PHKB: variants seen among roughly 807,000 people sequenced by gnomAD.
The protein encoded by PHKB is phosphorylase kinase regulatory subunit beta, also known as phosphorylase b kinase regulatory subunit beta.
In PHKB, 122 loss-of-function variants were observed where a neutral mutation model predicts 152.1. The observed-to-expected ratio is 0.80, with a 90% CI of 0.69 to 0.93. PHKB has a LOEUF of 0.93. Among genes scored for constraint, PHKB ranks in the 40% least tolerant of loss-of-function variants. PHKB has a pLI of 0.00. For missense variants in PHKB, 1,304 were observed against 1,328.4 expected (o/e 0.98, Z 0.29); for synonymous variants, 436 against 464.9 (o/e 0.94, Z 0.80).
intron 1 of PHKB, among the ~76,000 whole-genome samples, chr16:47,469,956 A>T (rs1003288344): frequency 1.3e-5 from 2 of 152,146 alleles, no homozygotes; most frequent in Admixed American, 6.5e-5. Flanking sequence ...GATAATAATG[A>T]TTTTTCATGC....
intron 6 of PHKB, among the ~76,000 whole-genome samples, chr16:47,536,163 TG>T (rs1263952771): frequency 5.9e-5 from 9 of 152,196 alleles, no homozygotes; most frequent in Admixed American, 1.3e-4. Flanking sequence ...GCGATTCTCC[TG>T]TCTCAGCCTC....
intron 26 of PHKB, among the ~76,000 whole-genome samples, chr16:47,677,596 T>C (rs1973756440): frequency 6.6e-6 from 1 of 152,006 alleles, no homozygotes; most frequent in South Asian, 2.1e-4. Flanking sequence ...ATAAGGTTAC[T>C]AATCCCAGCA....
At chr16:47,542,431 C>T (rs545618072) in intron 6 of PHKB, among the ~76,000 whole-genome samples, 5 of 152,002 alleles carry the variant, frequency 3.3e-5, no homozygotes, top group Non-Finnish European at 2.9e-5. Flanking sequence ...AGTCAGGTAG[C>T]GTGATGCCTC....
intron 14 of PHKB, among the ~76,000 whole-genome samples, chr16:47,631,325 C>CTCG (rs1200892479): frequency 6.6e-6 from 1 of 152,160 alleles, no homozygotes; most frequent in East Asian, 1.9e-4. Flanking sequence ...CGCTCGTCAC[C>CTCG]TCAGTTTCCT....
intron 7 of PHKB, among the ~76,000 whole-genome samples, chr16:47,555,468 A>G (rs1449606169): frequency 6.6e-6 from 1 of 152,198 alleles, no homozygotes; most frequent in Non-Finnish European, 1.5e-5. Flanking sequence ...TTATGCAACA[A>G]ATCACTATCT....
chr16:47,591,172 T>G (rs1316476186), intron 10 of PHKB, among the ~76,000 whole-genome samples: 2 of 152,168 alleles, frequency 1.3e-5, no homozygotes, highest in Admixed American at 1.3e-4. Context: ...CCAACTTAAA[T>G]TAGCTTTTTT....
At chr16:47,562,409 C>G (rs1971490848) in intron 7 of PHKB, 1 of 152,190 alleles carries the variant, frequency 6.6e-6, no homozygotes, top group African/African-American at 2.4e-5. Flanking sequence ...ATTTCCTGCA[C>G]TTGGTAGACA....
At chr16:47,477,604 A>G (rs1426405522) in intron 1 of PHKB, among the ~76,000 whole-genome samples, 2 of 152,190 alleles carry the variant, frequency 1.3e-5, no homozygotes, top group Non-Finnish European at 2.9e-5. Context: ...TAAATGTAAT[A>G]AATATAACAA....
chr16:47,644,912 G>A (rs1160297802), intron 16 of PHKB, among the ~76,000 whole-genome samples: 1 of 152,158 alleles, frequency 6.6e-6, no homozygotes, highest in Non-Finnish European at 1.5e-5. Flanking sequence ...ACCACATGTT[G>A]AAATGAGATT....
intron 7 of PHKB, among the ~76,000 whole-genome samples, chr16:47,578,761 T>C (rs1188439604): frequency 1.3e-5 from 2 of 152,106 alleles, no homozygotes; most frequent in Non-Finnish European, 2.9e-5. Context: ...GAGTTGGGAG[T>C]TGAGCATTGT....
At chr16:47,670,845 A>G (rs779027678) in intron 26 of PHKB, among the ~76,000 whole-genome samples, 5 of 152,086 alleles carry the variant, frequency 3.3e-5, no homozygotes, top group African/African-American at 4.8e-5. Flanking sequence ...ACTTTTACCA[A>G]TATATCTTCA....
chr16:47,604,604 C>A (rs1031399455), intron 13 of PHKB, among the ~76,000 whole-genome samples: 6 of 152,000 alleles, frequency 3.9e-5, no homozygotes, highest in Non-Finnish European at 7.4e-5. Context: ...ATCTGCTGAG[C>A]CTATTTTAGT....
At chr16:47,576,677 G>A (rs373430960) in intron 7 of PHKB, among the ~76,000 whole-genome samples, 8 of 152,110 alleles carry the variant, frequency 5.3e-5, no homozygotes, top group South Asian at 2.1e-4. Flanking sequence ...TGTCTTCTTC[G>A]TGGATTGATC....
chr16:47,582,752 T>A (rs1204387330), intron 8 of PHKB, among the ~76,000 whole-genome samples: 1 of 152,252 alleles, frequency 6.6e-6, no homozygotes, highest in Non-Finnish European at 1.5e-5. Context: ...TGACTACTAC[T>A]TGATTGTTTC....
chr16:47,518,279 C>G (rs1212308662), intron 6 of PHKB, among the ~76,000 whole-genome samples: 2 of 152,250 alleles, frequency 1.3e-5, no homozygotes, highest in African/African-American at 2.4e-5. Flanking sequence ...TGCACACACA[C>G]ACACATACAC....
intron 7 of PHKB, among the ~76,000 whole-genome samples, chr16:47,548,675 A>G (rs868677714): frequency 1.1e-4 from 16 of 152,210 alleles, no homozygotes; most frequent in African/African-American, 3.9e-4. Context: ...TCTCTATTTT[A>G]TGATAGACTA....
chr16:47,543,219 G>T lies in PHKB; in HGVS notation c.595-4214G>T, dbSNP rs1971094265. Among the ~76,000 whole-genome samples the T allele has an allele frequency of 2.0e-5, 3 of 152,216 alleles. No individual in the cohort carries two copies. In the South Asian group the frequency reaches 6.2e-4, roughly 32 times the overall value. ...AGAGTTTTTAGCATGAAGGGCTGTTGGAATATTGTCAAAGGCCTTTTCTGC... is the reference window on the plus strand; with the variant it reads ...AGAGTTTTTAGCATGAAGGGCTGTTTGAATATTGTCAAAGGCCTTTTCTGC... On this transcript the variant is annotated intron_variant, in intron 6 of 30. Coordinates refer to ENST00000323584, the MANE Select transcript of PHKB (RefSeq NM_000293.3).
intron 8 of PHKB, among the ~76,000 whole-genome samples, chr16:47,581,212 T>C (rs1971838741): frequency 6.6e-6 from 1 of 152,176 alleles, no homozygotes; most frequent in South Asian, 2.1e-4. Context: ...TACTCAAGTC[T>C]TGAATTTAAG....
intron 6 of PHKB, among the ~76,000 whole-genome samples, chr16:47,543,469 T>A (rs1460574231): frequency 6.6e-6 from 1 of 152,154 alleles, no homozygotes; most frequent in Non-Finnish European, 1.5e-5. Flanking sequence ...TCTCTTTTTT[T>A]TCTTGTGTCT....
Sources: gnomAD v4.1 joint callset for allele counts (sites outside exome capture counted in the v4.1 genomes callset) on GRCh38, gnomAD v4.1.1 for gene constraint, MANE v1.5 for transcripts, NCBI Gene and HGNC (gene_info 2026-07-23, HGNC 2026-07-21) for gene names.